Variants in CAMTA1 observed in about 807,000 individuals in gnomAD.
CAMTA1 encodes calmodulin-binding transcription activator 1.
CAMTA1 carries 27 observed loss-of-function variants against 170.9 expected under a neutral mutation model. That is an observed-to-expected ratio of 0.16 (90% CI 0.12 to 0.22). CAMTA1 has a LOEUF of 0.22. CAMTA1 is among the 10% of genes least tolerant of loss of function. CAMTA1 has a pLI of 1.00. For missense variants in CAMTA1, 1,619 were observed against 2,217.2 expected, an observed-to-expected ratio of 0.73 and a Z score of 5.42; for synonymous variants, 833 against 891.5, an observed-to-expected ratio of 0.93 and a Z score of 1.17.
At chr1:7,556,615 C>T (rs1405935629) in intron 6 of CAMTA1, among the ~76,000 whole-genome samples, 2 of 152,154 alleles carry the variant, frequency 1.3e-5, no homozygotes. Context: ...CTCTCAAACC[C>T]CATCTCAAAC....
At chr1:7,235,180 G>T (rs1458541993) in intron 4 of CAMTA1, among the ~76,000 whole-genome samples, 1 of 152,140 alleles carries the variant, frequency 6.6e-6, no homozygotes. Context: ...GTGGCCCTTA[G>T]AGATGGAATC....
At chr1:7,535,010 C>A (rs946932140) in intron 6 of CAMTA1, among the ~76,000 whole-genome samples, 1 of 151,954 alleles carries the variant, frequency 6.6e-6, no homozygotes, top group East Asian at 1.9e-4. Context: ...CTAGGAAGAT[C>A]CCATCCAAAA....
At chr1:7,450,293 A>G (rs1236929007) in intron 5 of CAMTA1, among the ~76,000 whole-genome samples, 1 of 152,264 alleles carries the variant, frequency 6.6e-6, no homozygotes, top group Non-Finnish European at 1.5e-5. Context: ...CAGTGAAGAC[A>G]CTACCTTAGG....
intron 5 of CAMTA1, among the ~76,000 whole-genome samples, chr1:7,377,848 G>C (rs999804957): frequency 7.9e-5 from 12 of 152,098 alleles, no homozygotes; most frequent in African/African-American, 2.4e-4. Flanking sequence ...TTGAACCCGG[G>C]AGGCAGAGGT....
chr1:6,920,182 T>C (rs1326273564), intron 3 of CAMTA1, among the ~76,000 whole-genome samples: 2 of 152,130 alleles, frequency 1.3e-5, no homozygotes, highest in East Asian at 1.9e-4. Context: ...CGGGGGTACA[T>C]GTATTGGGTA....
At chr1:7,603,848 T>C (rs2095465536) in intron 6 of CAMTA1, among the ~76,000 whole-genome samples, 2 of 152,228 alleles carry the variant, frequency 1.3e-5, no homozygotes, top group African/African-American at 4.8e-5. Context: ...GTTTAGTGCT[T>C]CCTTCAGGAG....
chr1:7,011,335 T>G (rs1236266275), intron 3 of CAMTA1, among the ~76,000 whole-genome samples: 1 of 152,192 alleles, frequency 6.6e-6, no homozygotes, highest in African/African-American at 2.4e-5. Context: ...CATGAGCTAC[T>G]GTGCCCTGCC....
chr1:7,200,838 G>A (rs1468377117), intron 4 of CAMTA1, among the ~76,000 whole-genome samples: 4 of 152,150 alleles, frequency 2.6e-5, no homozygotes, highest in Admixed American at 1.3e-4. Flanking sequence ...GGTACTTGGG[G>A]ACTGTGTGAA....
At chr1:6,819,086 T>A (rs1646179276) in intron 1 of CAMTA1, among the ~76,000 whole-genome samples, 1 of 151,120 alleles carries the variant, frequency 6.6e-6, no homozygotes, top group South Asian at 2.1e-4. Context: ...CCTGAGTAGC[T>A]GAGACTACAG....
At chr1:7,319,204 T>A (rs1359672913) in intron 5 of CAMTA1, among the ~76,000 whole-genome samples, 1 of 152,026 alleles carries the variant, frequency 6.6e-6, no homozygotes, top group African/African-American at 2.4e-5. Context: ...TACATGGAGA[T>A]CTGAAGGAAG....
intron 10 of CAMTA1, among the ~76,000 whole-genome samples, chr1:7,675,259 A>G (rs1227686954): frequency 6.6e-6 from 1 of 152,190 alleles, no homozygotes; most frequent in African/African-American, 2.4e-5. Flanking sequence ...CAGGATAGTG[A>G]GTGGGGTACG....
chr1:7,363,784 G>C (rs898316604), intron 5 of CAMTA1, among the ~76,000 whole-genome samples: 1 of 152,166 alleles, frequency 6.6e-6, no homozygotes. Flanking sequence ...CAGCGCTGTG[G>C]TTAGCTGGCC....
chr1:6,830,803 AT>A (rs1264624363), intron 3 of CAMTA1, among the ~76,000 whole-genome samples: 3 of 151,626 alleles, frequency 2.0e-5, no homozygotes, highest in Non-Finnish European at 4.4e-5. Flanking sequence ...TTGAGAGAGT[AT>A]TTTTTTGTTT....
chr1:7,004,875 C>T (rs1340822359), intron 3 of CAMTA1, among the ~76,000 whole-genome samples: 2 of 152,208 alleles, frequency 1.3e-5, no homozygotes, highest in Non-Finnish European at 2.9e-5. Flanking sequence ...TCAAACAATT[C>T]TCATGCCTCA....
intron 3 of CAMTA1, among the ~76,000 whole-genome samples, chr1:7,006,554 G>A (rs529808971): frequency 6.6e-6 from 1 of 152,280 alleles, no homozygotes; most frequent in Admixed American, 6.5e-5. Context: ...AAATGATAGA[G>A]CTGAGAAGAA....
chr1:6,982,062 T>C (rs1166071238), intron 3 of CAMTA1, among the ~76,000 whole-genome samples: 1 of 152,238 alleles, frequency 6.6e-6, no homozygotes, highest in Non-Finnish European at 1.5e-5. Flanking sequence ...TTGCATTAGA[T>C]AATAAATGTT....
chr1:6,978,103 G>C (rs1386011435), intron 3 of CAMTA1, among the ~76,000 whole-genome samples: 1 of 152,130 alleles, frequency 6.6e-6, no homozygotes, highest in Non-Finnish European at 1.5e-5. Flanking sequence ...CTGGAGATTG[G>C]CTAATGGGTT....
intron 5 of CAMTA1, among the ~76,000 whole-genome samples, chr1:7,413,460 G>C (rs564693585): frequency 1.3e-5 from 2 of 152,144 alleles, no homozygotes; most frequent in African/African-American, 2.4e-5. Context: ...TCTCCTTGAA[G>C]AGGTCCTTCA....
chr1:7,522,908 C>G (rs2094384695), intron 6 of CAMTA1, among the ~76,000 whole-genome samples: 1 of 152,188 alleles, frequency 6.6e-6, no homozygotes, highest in African/African-American at 2.4e-5. Flanking sequence ...CTCTTGTTGC[C>G]CAGGCTGGAG....
Sources: gnomAD v4.1 joint callset for allele counts (sites outside exome capture counted in the v4.1 genomes callset) on GRCh38, gnomAD v4.1.1 for gene constraint, MANE v1.5 for transcripts, NCBI Gene and HGNC (gene_info 2026-07-23, HGNC 2026-07-21) for gene names.